The following MUSK variants were observed in gnomAD, a reference collection of about 807,000 sequenced individuals.
The protein encoded by MUSK is muscle associated receptor tyrosine kinase.
In MUSK, 55 loss-of-function variants were observed where a neutral mutation model predicts 88.7. The observed-to-expected ratio is 0.62, with a 90% CI of 0.50 to 0.78. The LOEUF (loss-of-function observed/expected upper bound fraction) is 0.78. Among genes scored for constraint, MUSK ranks in the 30% least tolerant of loss-of-function variants. The pLI, the probability that MUSK is intolerant of heterozygous loss-of-function variation, is 0.00. For synonymous variants in MUSK, 387 were observed against 391.9 expected, an observed-to-expected ratio of 0.99 and a Z score of 0.15; for missense variants, 1,015 against 1,074.3, an observed-to-expected ratio of 0.94 and a Z score of 0.77.
At chr9:110,689,552 T>G (rs375731137) in intron 3 of MUSK, among the ~76,000 whole-genome samples, 14 of 36,278 alleles carry the variant, frequency 3.9e-4, no homozygotes, top group African/African-American at 5.7e-4. Context: ...GTTATATATA[T>G]TTATATATTA....
intron 5 of MUSK, among the ~76,000 whole-genome samples, chr9:110,721,269 G>A (rs1319683605): frequency 2.6e-5 from 4 of 152,008 alleles, no homozygotes; most frequent in Admixed American, 2.0e-4. Context: ...GAAATAAAGG[G>A]CATCCAAATC....
chr9:110,688,425 C>G (rs1386290877), intron 3 of MUSK, among the ~76,000 whole-genome samples: 1 of 151,932 alleles, frequency 6.6e-6, no homozygotes, highest in African/African-American at 2.4e-5. Flanking sequence ...TAAGGTAAGT[C>G]TGCCACTGTG....
At chr9:110,797,677 C>A (rs1351113913) in intron 14 of MUSK, among the ~76,000 whole-genome samples, 1 of 152,174 alleles carries the variant, frequency 6.6e-6, no homozygotes, top group African/African-American at 2.4e-5. Context: ...GAAAACACTT[C>A]TTCCATTTCC....
chr9:110,789,870 G>C (rs1168085177), intron 14 of MUSK, among the ~76,000 whole-genome samples: 3 of 152,186 alleles, frequency 2.0e-5, no homozygotes, highest in Admixed American at 2.0e-4. Flanking sequence ...TGGAGGCCTA[G>C]AGTTCTGGTA....
At chr9:110,721,259 GAAAT>G (rs1223213646) in intron 5 of MUSK, among the ~76,000 whole-genome samples, 1 of 152,010 alleles carries the variant, frequency 6.6e-6, no homozygotes, top group African/African-American at 2.4e-5. Context: ...ACAAGAGAAA[GAAAT>G]AAAGGGCATC....
intron 5 of MUSK, among the ~76,000 whole-genome samples, chr9:110,730,293 G>A (rs771882102): frequency 5.3e-5 from 8 of 151,964 alleles, no homozygotes; most frequent in Non-Finnish European, 1.0e-4. Flanking sequence ...GGAGAAGGAT[G>A]GATAAGACTA....
Position 110,715,032 on chromosome 9 carries a change from C to T in MUSK, c.628+17566C>T, listed in dbSNP as rs543480502. 2.0e-4 allele frequency among the ~76,000 whole-genome samples: 30 copies of T among 149,490 alleles called. 2 individuals are homozygous for T. Among genetic ancestry groups the T allele is most frequent in the African/African-American group, 7.1e-4 (28 of 39,284 alleles). On this transcript the variant is annotated intron_variant, in intron 5 of 14. Transcript: ENST00000374448. The stretch of plus-strand genomic sequence containing the variant: ...GAGTTAAGGATATGCTTTTTAACAC[C>T]GGAAAAGGGTACTTAACATGATCAA...
At chr9:110,715,984 G>C (rs2076738054) in intron 5 of MUSK, among the ~76,000 whole-genome samples, 1 of 149,338 alleles carries the variant, frequency 6.7e-6, no homozygotes, top group Non-Finnish European at 1.5e-5. Context: ...CTGGGAGTGG[G>C]AGGAAGGAGA....
intron 5 of MUSK, 83 bp from the exon 6 acceptor site, chr9:110,734,168 G>T: frequency 1.4e-6 from 2 of 1,446,792 alleles, no homozygotes; most frequent in Non-Finnish European, 1.9e-6. Flanking sequence ...GGGGAACATG[G>T]TCTAATTTGC....
chr9:110,676,240 G>C (rs1016052505), intron 1 of MUSK, among the ~76,000 whole-genome samples: 3 of 150,616 alleles, frequency 2.0e-5, no homozygotes, highest in African/African-American at 7.3e-5. Context: ...CAAGGGATAA[G>C]TGCTCTTAGC....
intron 6 of MUSK, among the ~76,000 whole-genome samples, chr9:110,743,281 C>T (rs1404117587): frequency 6.6e-6 from 1 of 152,158 alleles, no homozygotes; most frequent in African/African-American, 2.4e-5. Context: ...TGATTAGAAA[C>T]TATCTTGCTT....
intron 5 of MUSK, among the ~76,000 whole-genome samples, chr9:110,723,236 C>CACACACACAA (rs1312577063): frequency 6.8e-6 from 1 of 148,122 alleles, no homozygotes; most frequent in Admixed American, 6.8e-5. Context: ...CATATACATA[C>CACACACACAA]ACACACACAC....
Position 110,775,767 on chromosome 9 carries a change from GT to G in MUSK, c.1185-19del, listed in dbSNP as rs1259797961. 1 of 1,611,498 alleles carries G rather than the reference GT, an allele frequency of 6.2e-7. No homozygotes were observed. Among genetic ancestry groups the G allele is most frequent in the African/African-American group, 1.3e-5 (1 of 74,864 alleles). On this transcript the variant is annotated intron_variant, in intron 9 of 14. Coordinates refer to ENST00000374448, the MANE Select transcript of MUSK (RefSeq NM_005592.4). Reference sequence around the variant, plus strand: ...AACATGTAATGATTCATCAAGTTTTGTTCTCCATATACTATTTTAGAGAGTA... The same window carrying G: ...AACATGTAATGATTCATCAAGTTTTGTCTCCATATACTATTTTAGAGAGTA...
rs534694255 is a variant in MUSK, at chr9:110,675,070, T to C, written c.79+6087T>C. 6.6e-5 allele frequency among the ~76,000 whole-genome samples: 10 copies of C among 152,288 alleles called. No homozygotes were observed. In the South Asian group the frequency reaches 2.1e-3, roughly 32 times the overall value. On this transcript the variant is annotated intron_variant, in intron 1 of 14. Transcript: ENST00000374448. ...GACAATTTTAAATGGTTTCCATTTA[T>C]TTATTCCTTGTGACAAGTTATGTGG...
intron 6 of MUSK, among the ~76,000 whole-genome samples, chr9:110,740,708 C>T (rs1043449656): frequency 6.6e-6 from 1 of 152,108 alleles, no homozygotes; most frequent in African/African-American, 2.4e-5. Flanking sequence ...GAGGCATCTC[C>T]ATGTAATAAG....
chr9:110,689,134 A>G, intron 3 of MUSK, among the ~76,000 whole-genome samples: 1 of 132,592 alleles, frequency 7.5e-6, no homozygotes, highest in Non-Finnish European at 1.5e-5. Context: ...TAAACTACAT[A>G]AATAAACTAT....
intron 4 of MUSK, among the ~76,000 whole-genome samples, chr9:110,696,640 AG>A (rs1800701180): frequency 6.6e-6 from 1 of 152,170 alleles, no homozygotes; most frequent in Admixed American, 6.5e-5. Flanking sequence ...TACTGAATTT[AG>A]GGTTCAAAAC....
chr9:110,751,792 C>G (rs1196083842), intron 7 of MUSK, among the ~76,000 whole-genome samples: 1 of 152,028 alleles, frequency 6.6e-6, no homozygotes, highest in East Asian at 1.9e-4. Context: ...ATAACTGGGA[C>G]CTGGGACTTT....
intron 5 of MUSK, among the ~76,000 whole-genome samples, chr9:110,699,419 G>A (rs920479215): frequency 3.9e-5 from 6 of 152,024 alleles, no homozygotes; most frequent in Non-Finnish European, 7.4e-5. Flanking sequence ...TAGCACAATT[G>A]CTGGTACATA....
Sources: gnomAD v4.1 joint callset for allele counts (sites outside exome capture counted in the v4.1 genomes callset) on GRCh38, gnomAD v4.1.1 for gene constraint, MANE v1.5 for transcripts, NCBI Gene and HGNC (gene_info 2026-07-23, HGNC 2026-07-21) for gene names.